Variants in CCDC7 observed in about 807,000 individuals in gnomAD.
The protein encoded by CCDC7 is coiled-coil domain-containing protein 7.
CCDC7 carries 183 observed loss-of-function variants against 196.9 expected under a neutral mutation model. The observed-to-expected ratio is 0.93, with a 90% CI of 0.82 to 1.05. The LOEUF (loss-of-function observed/expected upper bound fraction) is 1.05, where lower values mean the gene tolerates loss of function less well. Among genes scored for constraint, CCDC7 ranks in the 50% least tolerant of loss-of-function variants. The pLI, the probability that CCDC7 is intolerant of heterozygous loss-of-function variation, is 0.00. For missense variants in CCDC7, 1,540 were observed against 1,482.2 expected, an observed-to-expected ratio of 1.04 and a Z score of -0.64; for synonymous variants, 525 against 484.6, an observed-to-expected ratio of 1.08 and a Z score of -1.10.
intron 32 of CCDC7, among the ~76,000 whole-genome samples, chr10:32,828,974 G>A (rs956981535): frequency 6.6e-6 from 1 of 152,190 alleles, no homozygotes; most frequent in Non-Finnish European, 1.5e-5. Context: ...TGGAAGTTAA[G>A]AGTGCCACAT....
At chr10:32,711,222 A>G (rs1343076629) in intron 24 of CCDC7, among the ~76,000 whole-genome samples, 1 of 151,898 alleles carries the variant, frequency 6.6e-6, no homozygotes, top group Non-Finnish European at 1.5e-5. Flanking sequence ...GTGTATATAT[A>G]TATGTTCATT....
intron 21 of CCDC7, among the ~76,000 whole-genome samples, chr10:32,685,545 C>T (rs563637447): frequency 1.7e-3 from 261 of 152,298 alleles, no homozygotes; most frequent in South Asian, 6.8e-3. Flanking sequence ...CTCCCTTGGA[C>T]ACCCCTAGAA....
chr10:32,785,469 A>G (rs961584352), intron 29 of CCDC7, among the ~76,000 whole-genome samples: 2 of 152,200 alleles, frequency 1.3e-5, no homozygotes, highest in African/African-American at 4.8e-5. Flanking sequence ...ATAGGTTTTT[A>G]TAAGGAAATT....
intron 18 of CCDC7, among the ~76,000 whole-genome samples, chr10:32,627,330 C>T (rs1218483252): frequency 2.0e-5 from 3 of 151,732 alleles, no homozygotes; most frequent in African/African-American, 7.3e-5. Flanking sequence ...TTGGATAGTT[C>T]ATTGTTAATG....
intron 13 of CCDC7, among the ~76,000 whole-genome samples, chr10:32,562,047 C>A (rs538846222): frequency 6.6e-6 from 1 of 152,192 alleles, no homozygotes; most frequent in African/African-American, 2.4e-5. Flanking sequence ...ACTAGAAAAT[C>A]TAGAAGAAAT....
intron 8 of CCDC7, chr10:32,481,703 CA>C (rs1408082249): frequency 6.6e-6 from 1 of 152,112 alleles, no homozygotes; most frequent in Non-Finnish European, 1.5e-5. Flanking sequence ...TTTTGTAAGG[CA>C]AGCCTGATGA....
intron 11 of CCDC7, among the ~76,000 whole-genome samples, chr10:32,538,487 C>T (rs1443019703): frequency 2.6e-5 from 4 of 152,182 alleles, no homozygotes; most frequent in African/African-American, 4.8e-5. Context: ...CTTTCCCTTG[C>T]CCGATTGCTC....
intron 11 of CCDC7, among the ~76,000 whole-genome samples, chr10:32,522,323 C>A (rs540837732): frequency 1.3e-5 from 2 of 152,110 alleles, no homozygotes; most frequent in East Asian, 3.9e-4. Context: ...TACTGGGAGA[C>A]TTTTTATTAT....
At chr10:32,500,319 C>T (rs961029592) in intron 9 of CCDC7, among the ~76,000 whole-genome samples, 4 of 152,038 alleles carry the variant, frequency 2.6e-5, no homozygotes, top group African/African-American at 7.2e-5. Context: ...AGGGGCTCCT[C>T]ACTTCTCGGA....
At chr10:32,678,323 T>G (rs2075343982) in intron 21 of CCDC7, among the ~76,000 whole-genome samples, 1 of 152,144 alleles carries the variant, frequency 6.6e-6, no homozygotes, top group African/African-American at 2.4e-5. Flanking sequence ...TTCTTCATGA[T>G]CCTTGTATTT....
At chr10:32,547,130 G>A (rs1481374990) in intron 13 of CCDC7, among the ~76,000 whole-genome samples, 1 of 151,776 alleles carries the variant, frequency 6.6e-6, no homozygotes, top group Non-Finnish European at 1.5e-5. Flanking sequence ...CCATCCTCCC[G>A]CCTCACCCTC....
chr10:32,764,103 A>G (rs1319634144), intron 28 of CCDC7, among the ~76,000 whole-genome samples: 1 of 151,884 alleles, frequency 6.6e-6, no homozygotes, highest in Non-Finnish European at 1.5e-5. Flanking sequence ...CAGCCTTTTC[A>G]TTCCTGTCAG....
chr10:32,682,712 A>G (rs1039712557), intron 21 of CCDC7, among the ~76,000 whole-genome samples: 1 of 152,092 alleles, frequency 6.6e-6, no homozygotes, highest in African/African-American at 2.4e-5. Flanking sequence ...ATGGTATCTC[A>G]TTATGGTTTT....
At chr10:32,676,571 A>G (rs1226589264) in intron 21 of CCDC7, among the ~76,000 whole-genome samples, 1 of 152,206 alleles carries the variant, frequency 6.6e-6, no homozygotes, top group Non-Finnish European at 1.5e-5. Context: ...ACATGAGCAA[A>G]CACTTCTCAA....
At chr10:32,543,611 A>C (rs1357274286) in intron 12 of CCDC7, among the ~76,000 whole-genome samples, 2 of 152,088 alleles carry the variant, frequency 1.3e-5, no homozygotes, top group Non-Finnish European at 2.9e-5. Flanking sequence ...ATTGAACCAC[A>C]ATACATTCAG....
intron 8 of CCDC7, among the ~76,000 whole-genome samples, chr10:32,479,674 T>G (rs2134094130): frequency 6.6e-6 from 1 of 152,314 alleles, no homozygotes; most frequent in South Asian, 2.1e-4. Flanking sequence ...TCTTTTCTCA[T>G]AGCGTCTTTG....
At chr10:32,452,787 T>A (rs2033418112) in intron 1 of CCDC7, among the ~76,000 whole-genome samples, 1 of 152,140 alleles carries the variant, frequency 6.6e-6, no homozygotes, top group Admixed American at 6.5e-5. Flanking sequence ...GGGGAAAAAA[T>A]TTCCTTTCTC....
intron 11 of CCDC7, among the ~76,000 whole-genome samples, chr10:32,530,420 C>T (rs2049451302): frequency 6.6e-6 from 1 of 152,132 alleles, no homozygotes; most frequent in Non-Finnish European, 1.5e-5. Flanking sequence ...CCACAGCTAA[C>T]ACTATACTGA....
intron 15 of CCDC7, among the ~76,000 whole-genome samples, chr10:32,570,021 G>A (rs975446545): frequency 1.3e-5 from 2 of 151,812 alleles, no homozygotes; most frequent in Non-Finnish European, 2.9e-5. Flanking sequence ...TGGCTTCTAG[G>A]GCCATATAAA....
Sources: allele counts gnomAD v4.1 joint callset (sites outside exome capture counted in the v4.1 genomes callset), GRCh38; gene constraint gnomAD v4.1.1; transcripts MANE v1.5; gene names NCBI Gene and HGNC (gene_info 2026-07-23, HGNC 2026-07-21).